Variants in GRTP1 observed in about 807,000 individuals in gnomAD.
The protein encoded by GRTP1 is growth hormone regulated TBC protein 1.
A neutral mutation model predicts 38.1 loss-of-function variants in GRTP1; 56 were observed. That is an observed-to-expected ratio of 1.47 (90% CI 1.19 to 1.84). The LOEUF (loss-of-function observed/expected upper bound fraction) is 1.84, where lower values mean the gene tolerates loss of function less well. Among genes scored for constraint, GRTP1 ranks in the 40% most tolerant of loss-of-function variants. The pLI is 0.00. For missense variants in GRTP1, 506 were observed against 453.9 expected, an observed-to-expected ratio of 1.11 and a Z score of -1.04; for synonymous variants, 217 against 189.5, an observed-to-expected ratio of 1.14 and a Z score of -1.19.
chr13:113,328,254 C>T (rs895440362), intron 5 of GRTP1, among the ~76,000 whole-genome samples: 12 of 152,204 alleles, frequency 7.9e-5, no homozygotes, highest in African/African-American at 1.4e-4. Context: ...GGCTCCGGGA[C>T]GGCACCTGCC....
intron 5 of GRTP1, 148 bp from the exon 6 acceptor site, chr13:113,326,239 G>T: frequency 1.0e-6 from 1 of 953,832 alleles, no homozygotes; most frequent in Non-Finnish European, 1.5e-6. Flanking sequence ...AAGAGTCGGG[G>T]TGAGGCCTGC....
intron 2 of GRTP1, among the ~76,000 whole-genome samples, chr13:113,361,210 T>TAAAAAAAAAAAAAAAAAAAAAAAAAAA (rs60140159): frequency 8.0e-6 from 1 of 125,354 alleles, no homozygotes; most frequent in African/African-American, 3.1e-5. Flanking sequence ...AGACCAATGC[T>TAAAAAAAAAAAAAAAAAAAAAAAAAAA]AAAAAAAAAA....
Position 113,344,943 on chromosome 13 carries a change from G to A in GRTP1, c.482C>T (p.Ala161Val). Residue 161 changes from alanine to valine, a missense_variant, in exon 5 of 8, where the codon GCA becomes GTA. Physicochemically the swap from Ala to Val is moderately conservative, Grantham distance 64 (BLOSUM62 0). Transcript: ENST00000375431. The part of the protein sequence containing the change: ...VGYCQGMNFI[A>V]GYLILITNNE... ...ATTTGTTATAAGAATCAGATATCCT[G>A]CTATAAAATTCATTCCCTGAAATTA... 1 of 1,594,560 alleles carries A rather than the reference G, an allele frequency of 6.3e-7. No individual in the cohort carries two copies. Among genetic ancestry groups the A allele is most frequent in the Non-Finnish European group, 8.5e-7 (1 of 1,173,184 alleles).
At chr13:113,347,473 A>T (rs1395976279) in intron 4 of GRTP1, among the ~76,000 whole-genome samples, 20 of 108,142 alleles carry the variant, frequency 1.8e-4, no homozygotes, top group South Asian at 9.4e-4. Flanking sequence ...TCTGTGGCCG[A>T]GAGCAGACCT....
rs1044508706 is a variant in GRTP1, at chr13:113,335,950, G to A, written c.562+8913C>T. Reference sequence around the variant, plus strand: ...TGGAATTATAGATGCCCGCCACCACGCCTGGCTACTTTTTGTATTTTAGTA... The same window carrying A: ...TGGAATTATAGATGCCCGCCACCACACCTGGCTACTTTTTGTATTTTAGTA... On this transcript the variant is annotated intron_variant, in intron 5 of 7. Transcript: ENST00000375431. Among the ~76,000 whole-genome samples the A allele has an allele frequency of 2.8e-4, 43 of 152,072 alleles. 1 individual carries two copies. The highest frequency in any genetic ancestry group is 9.9e-4 in the African/African-American group (41 of 41,402).
At chr13:113,335,508 TCTAG>T (rs1416278562) in intron 5 of GRTP1, among the ~76,000 whole-genome samples, 3 of 152,122 alleles carry the variant, frequency 2.0e-5, no homozygotes, top group African/African-American at 7.2e-5. Context: ...AATCTTCTCT[TCTAG>T]CTATTTTGAA....
intron 5 of GRTP1, among the ~76,000 whole-genome samples, chr13:113,330,269 G>A (rs1343849870): frequency 2.0e-4 from 24 of 118,326 alleles, no homozygotes; most frequent in African/African-American, 3.1e-4. Flanking sequence ...GTGTGCATGG[G>A]AGCCCAGGTG....
chr13:113,325,785 GC>G lies in GRTP1; in HGVS notation c.796del (p.Ala266ProfsTer2), dbSNP rs776816374. On this transcript the variant is annotated frameshift_variant, in exon 7 of 8. Coordinates refer to ENST00000375431, the MANE Select transcript of GRTP1 (RefSeq NM_024719.4). LOFTEE classifies it high-confidence loss of function. ...CTGGTGCTGCTTAATTAAGGTCAGG[GC>G]CACCCGGAAGATAATCTTCGAGCCT... ...NEGSKIIFRV[A>X]LTLIKQHQEL... The G allele has an allele frequency of 3.7e-6, 6 of 1,614,040 alleles. No individual in the cohort carries two copies. The Admixed American group carries it at 8.3e-5, about 22-fold the overall frequency.
intron 4 of GRTP1, among the ~76,000 whole-genome samples, chr13:113,347,648 C>CCA (rs1262450890): frequency 3.6e-5 from 2 of 54,828 alleles, no homozygotes; most frequent in Non-Finnish European, 7.6e-5. Context: ...ACCTCTGTGG[C>CCA]TGAGCAGATC....
chr13:113,340,744 C>T (rs924899290), intron 5 of GRTP1, among the ~76,000 whole-genome samples: 2 of 152,052 alleles, frequency 1.3e-5, no homozygotes, highest in African/African-American at 4.8e-5. Flanking sequence ...TGCGCCACTG[C>T]ACTCCAGCCT....
chr13:113,337,830 C>T (rs777071971), intron 5 of GRTP1, among the ~76,000 whole-genome samples: 5 of 152,248 alleles, frequency 3.3e-5, no homozygotes, highest in Admixed American at 1.3e-4. Context: ...AACGCACCTC[C>T]GATGTGGCAA....
intron 5 of GRTP1, 88 bp downstream of exon 5, chr13:113,344,775 T>C (rs2139451749): frequency 8.2e-7 from 1 of 1,212,850 alleles, no homozygotes; most frequent in Non-Finnish European, 1.1e-6. Context: ...CAACCATGTT[T>C]TAATTAAATT....
chr13:113,353,195 G>C (rs9549397), intron 3 of GRTP1, among the ~76,000 whole-genome samples: 1 of 78,446 alleles, frequency 1.3e-5, no homozygotes, highest in Non-Finnish European at 2.7e-5. Context: ...GAAAGCAGGG[G>C]CCCAGCCCCA....
At chr13:113,360,487 G>T (rs2043475062) in intron 2 of GRTP1, among the ~76,000 whole-genome samples, 1 of 152,192 alleles carries the variant, frequency 6.6e-6, no homozygotes, top group African/African-American at 2.4e-5. Context: ...TGGAATACCT[G>T]GCAGGAAGAA....
At chr13:113,363,267 G>A (rs2043531768) in intron 2 of GRTP1, among the ~76,000 whole-genome samples, 1 of 152,236 alleles carries the variant, frequency 6.6e-6, no homozygotes, top group South Asian at 2.1e-4. Context: ...GAGTGCAATG[G>A]CGCAATCTCG....
intron 2 of GRTP1, chr13:113,359,534 AC>A (rs2043456185): frequency 6.6e-6 from 1 of 152,216 alleles, no homozygotes; most frequent in South Asian, 2.1e-4. Context: ...TGATCGTCCC[AC>A]TGTCCTCCTG....
intron 4 of GRTP1, among the ~76,000 whole-genome samples, chr13:113,345,648 A>G (rs2043091650): frequency 6.6e-6 from 1 of 152,248 alleles, no homozygotes; most frequent in Admixed American, 6.5e-5. Flanking sequence ...CCAGCCCACA[A>G]GATCAATTCA....
intron 5 of GRTP1, among the ~76,000 whole-genome samples, chr13:113,333,838 A>ATTTATTTATTTATTTT (rs749095615): frequency 5.1e-4 from 12 of 23,598 alleles, no homozygotes; most frequent in African/African-American, 8.1e-4. Flanking sequence ...TTATTTATTT[A>ATTTATTTATTTATTTT]GTGTGTGTGT....
Position 113,363,880 on chromosome 13 carries a change from C to T in GRTP1, c.63G>A (p.Glu21=). ...TCTCGTAGGCGGCGTCGTCGAAGTC[C>T]TCAGGCCGCTCGAATCCGTACGGGT... The part of the protein sequence containing the change: ...RIDPYGFERP[E]DFDDAAYEKF... Residue 21 remains glutamate (E), a synonymous_variant, in exon 2 of 8, where the codon GAG becomes GAA. Transcript: ENST00000375431. The T allele has an allele frequency of 2.5e-6, 4 of 1,611,828 alleles. No individual in the cohort carries two copies. The highest frequency in any genetic ancestry group is 3.4e-6 in the Non-Finnish European group (4 of 1,179,568).
Sources: allele counts gnomAD v4.1 joint callset (sites outside exome capture counted in the v4.1 genomes callset), GRCh38; gene constraint gnomAD v4.1.1; transcripts MANE v1.5; gene names NCBI Gene and HGNC (gene_info 2026-07-23, HGNC 2026-07-21).